ADAMTSL1: variants seen among roughly 807,000 people sequenced by gnomAD.
The protein encoded by ADAMTSL1 is ADAMTS-like protein 1.
ADAMTSL1 carries 126 observed loss-of-function variants against 201.8 expected under a neutral mutation model. The ratio of observed to expected loss-of-function variants is 0.62; its 90% CI spans 0.54 to 0.72. ADAMTSL1 has a LOEUF of 0.72. Ranked by LOEUF, ADAMTSL1 falls within the 30% of genes least tolerant of loss-of-function variation. The probability of loss-of-function intolerance (pLI) is 0.00; values close to 1 mark genes in which losing one functional copy is unlikely to be tolerated. For missense variants in ADAMTSL1, 2,679 were observed against 2,277.8 expected (o/e 1.18, Z -3.59); for synonymous variants, 1,121 against 903.4 (o/e 1.24, Z -4.32).
intron 1 of ADAMTSL1, among the ~76,000 whole-genome samples, chr9:17,953,904 A>G (rs1827830410): frequency 6.6e-6 from 1 of 152,142 alleles, no homozygotes; most frequent in Non-Finnish European, 1.5e-5. Context: ...CAGATGAAAT[A>G]GCTTATATAA....
chr9:18,334,854 T>G (rs895465499), intron 2 of ADAMTSL1, among the ~76,000 whole-genome samples: 1 of 152,184 alleles, frequency 6.6e-6, no homozygotes, highest in African/African-American at 2.4e-5. Context: ...TTTTGCCCAG[T>G]ATCCAAGTCA....
chr9:17,915,033 T>C (rs1826041316), intron 1 of ADAMTSL1, among the ~76,000 whole-genome samples: 1 of 152,212 alleles, frequency 6.6e-6, no homozygotes, highest in African/African-American at 2.4e-5. Context: ...AGGATTTTTA[T>C]TTGTTTTGCA....
intron 14 of ADAMTSL1, among the ~76,000 whole-genome samples, chr9:18,714,679 AC>A (rs1832809106): frequency 6.6e-6 from 1 of 150,978 alleles, no homozygotes; most frequent in Non-Finnish European, 1.5e-5. Context: ...ACAAGGAGGA[AC>A]TGGTACCATT....
intron 1 of ADAMTSL1, among the ~76,000 whole-genome samples, chr9:17,952,646 G>C (rs1460467789): frequency 6.6e-6 from 1 of 152,092 alleles, no homozygotes; most frequent in Non-Finnish European, 1.5e-5. Context: ...AGGCTGGAGT[G>C]GAGGGACCAC....
chr9:18,572,143 C>T (rs569736834), intron 3 of ADAMTSL1, among the ~76,000 whole-genome samples: 1 of 150,494 alleles, frequency 6.6e-6, no homozygotes, highest in Non-Finnish European at 1.5e-5. Context: ...TGCAGTGAGC[C>T]GAGATCACGC....
chr9:18,217,645 T>C (rs1830100548), intron 2 of ADAMTSL1, among the ~76,000 whole-genome samples: 1 of 152,210 alleles, frequency 6.6e-6, no homozygotes, highest in Non-Finnish European at 1.5e-5. Flanking sequence ...TTGGTTCCTT[T>C]GCATTCAACT....
intron 2 of ADAMTSL1, among the ~76,000 whole-genome samples, chr9:18,198,253 C>CA (rs2132261302): frequency 6.6e-6 from 1 of 151,286 alleles, no homozygotes; most frequent in African/African-American, 2.4e-5. Flanking sequence ...CCAAAATTGA[C>CA]AAATGGGATC....
At position 17,930,091 on chromosome 9, in the gene ADAMTSL1, G is replaced by T. The variant is rs140830449; in HGVS notation, c.87+23169G>T. On this transcript the variant is annotated intron_variant, in intron 1 of 29. Coordinates refer to the ADAMTSL1 transcript ENST00000680146. The stretch of plus-strand genomic sequence containing the variant: ...CACCTATGTTCGTATGTTATTTAAA[G>T]AAATATTAGCTACTATAGTAGAAAA... 4.7e-3 allele frequency among the ~76,000 whole-genome samples: 716 copies of T among 152,278 alleles called. 8 individuals are homozygous for T. The highest frequency in any genetic ancestry group is 0.016 in the African/African-American group (676 of 41,550).
intron 2 of ADAMTSL1, among the ~76,000 whole-genome samples, chr9:18,409,751 C>G (rs946690507): frequency 6.7e-6 from 1 of 149,916 alleles, no homozygotes; most frequent in African/African-American, 2.4e-5. Flanking sequence ...TGTATATATA[C>G]ATAACATATA....
At chr9:18,712,552 A>G (rs927570927) in intron 14 of ADAMTSL1, among the ~76,000 whole-genome samples, 2 of 152,066 alleles carry the variant, frequency 1.3e-5, no homozygotes, top group Non-Finnish European at 2.9e-5. Context: ...TTAGAGAAGA[A>G]AGAATCAAAA....
At chr9:18,644,187 T>A (rs1357479160) in intron 7 of ADAMTSL1, among the ~76,000 whole-genome samples, 1 of 151,934 alleles carries the variant, frequency 6.6e-6, no homozygotes, top group Non-Finnish European at 1.5e-5. Flanking sequence ...GATATTAGTG[T>A]ATAGAAATGC....
At chr9:18,082,004 T>C (rs1257656276) in intron 1 of ADAMTSL1, among the ~76,000 whole-genome samples, 1 of 152,200 alleles carries the variant, frequency 6.6e-6, no homozygotes, top group Non-Finnish European at 1.5e-5. Flanking sequence ...GCTTAATATA[T>C]TTTAAACTGC....
At chr9:18,876,461 T>G (rs773139999) in intron 23 of ADAMTSL1, among the ~76,000 whole-genome samples, 83 of 152,144 alleles carry the variant, frequency 5.5e-4, no homozygotes, top group Non-Finnish European at 7.4e-4. Flanking sequence ...AGTGGTGAAT[T>G]CTCTCAGCAT....
chr9:18,350,766 T>C (rs1172676154), intron 2 of ADAMTSL1, among the ~76,000 whole-genome samples: 1 of 152,152 alleles, frequency 6.6e-6, no homozygotes, highest in Non-Finnish European at 1.5e-5. Flanking sequence ...CCTCATGTTA[T>C]TAGAGACAGG....
At chr9:17,926,244 G>C (rs1373944446) in intron 1 of ADAMTSL1, among the ~76,000 whole-genome samples, 1 of 152,146 alleles carries the variant, frequency 6.6e-6, no homozygotes, top group Non-Finnish European at 1.5e-5. Flanking sequence ...ATTAAAGAGT[G>C]CTTATTTATT....
chr9:18,806,712 G>C (rs1823143777), intron 20 of ADAMTSL1, among the ~76,000 whole-genome samples: 1 of 152,184 alleles, frequency 6.6e-6, no homozygotes, highest in Non-Finnish European at 1.5e-5. Flanking sequence ...CCAGAGCCCA[G>C]ACTATGTGCA....
At chr9:18,513,315 G>A (rs1049052047) in intron 2 of ADAMTSL1, among the ~76,000 whole-genome samples, 20 of 152,180 alleles carry the variant, frequency 1.3e-4, no homozygotes, top group East Asian at 1.9e-4. Flanking sequence ...TTCTCCCTCC[G>A]CCGCAACCTC....
intron 1 of ADAMTSL1, among the ~76,000 whole-genome samples, chr9:18,151,403 T>G (rs1262508049): frequency 6.6e-6 from 1 of 152,048 alleles, no homozygotes; most frequent in Non-Finnish European, 1.5e-5. Flanking sequence ...ACTCTCAGAA[T>G]TCCTCTAAAT....
intron 2 of ADAMTSL1, among the ~76,000 whole-genome samples, chr9:18,339,054 T>G (rs1835360995): frequency 6.6e-6 from 1 of 152,184 alleles, no homozygotes; most frequent in Non-Finnish European, 1.5e-5. Flanking sequence ...TCCATGTCTT[T>G]GCTATAGTGA....
Sources: gnomAD v4.1 joint callset for allele counts (sites outside exome capture counted in the v4.1 genomes callset) on GRCh38, gnomAD v4.1.1 for gene constraint, MANE v1.5 for transcripts, NCBI Gene and HGNC (gene_info 2026-07-23, HGNC 2026-07-21) for gene names.